Variants in THSD7A observed in about 807,000 individuals in gnomAD.
THSD7A encodes thrombospondin type-1 domain-containing protein 7A.
In THSD7A, 96 loss-of-function variants were observed where a neutral mutation model predicts 231.3. The observed-to-expected ratio is 0.41, with a 90% CI of 0.35 to 0.49. The LOEUF (loss-of-function observed/expected upper bound fraction) is 0.49. Ranked by LOEUF, THSD7A falls within the 20% of genes least tolerant of loss-of-function variation. The pLI is 0.05. For synonymous variants in THSD7A, 940 were observed against 743.3 expected (o/e 1.26, Z -4.30); for missense variants, 2,290 against 2,070.2 (o/e 1.11, Z -2.06).
chr7:11,828,018 A>G (rs1195452446), intron 1 of THSD7A, among the ~76,000 whole-genome samples: 2 of 152,238 alleles, frequency 1.3e-5, no homozygotes, highest in Non-Finnish European at 2.9e-5. Flanking sequence ...ACTCTTCACT[A>G]TAACTTCTAT....
intron 1 of THSD7A, among the ~76,000 whole-genome samples, chr7:11,717,878 A>G (rs956522439): frequency 2.0e-5 from 3 of 151,632 alleles, no homozygotes; most frequent in African/African-American, 4.8e-5. Context: ...TATGGTTTCT[A>G]TGATATTTTT....
At chr7:11,419,662 T>C (rs1334837314) in intron 16 of THSD7A, among the ~76,000 whole-genome samples, 5 of 152,130 alleles carry the variant, frequency 3.3e-5, no homozygotes, top group African/African-American at 1.2e-4. Context: ...AACTGGGTAA[T>C]GGGCAGAGGT....
intron 4 of THSD7A, among the ~76,000 whole-genome samples, chr7:11,546,202 G>GCGCACGCGCGCACACACACA: frequency 7.7e-6 from 1 of 129,374 alleles, no homozygotes; most frequent in South Asian, 2.3e-4. Flanking sequence ...GTGGGCGCGC[G>GCGCACGCGCGCACACACACA]CTCACACACA....
At chr7:11,473,605 T>A (rs1314364727) in intron 8 of THSD7A, among the ~76,000 whole-genome samples, 1 of 152,126 alleles carries the variant, frequency 6.6e-6, no homozygotes, top group Non-Finnish European at 1.5e-5. Context: ...TTAGAGTAGA[T>A]TTATTAATTT....
At chr7:11,478,795 A>G (rs1194129244) in intron 7 of THSD7A, among the ~76,000 whole-genome samples, 1 of 152,144 alleles carries the variant, frequency 6.6e-6, no homozygotes, top group Non-Finnish European at 1.5e-5. Flanking sequence ...ACATACATAT[A>G]TACACACTGA....
At chr7:11,745,672 G>GT (rs1782275722) in intron 1 of THSD7A, among the ~76,000 whole-genome samples, 1 of 152,028 alleles carries the variant, frequency 6.6e-6, no homozygotes, top group South Asian at 2.1e-4. Context: ...TGGCCAGCCA[G>GT]TTTTCCCAGC....
At chr7:11,567,430 G>C (rs1031233318) in intron 4 of THSD7A, among the ~76,000 whole-genome samples, 1 of 152,170 alleles carries the variant, frequency 6.6e-6, no homozygotes, top group African/African-American at 2.4e-5. Context: ...CATATATGGA[G>C]ATTAGGGGGA....
intron 2 of THSD7A, among the ~76,000 whole-genome samples, chr7:11,621,993 A>G (rs1211169147): frequency 1.3e-5 from 2 of 152,132 alleles, no homozygotes; most frequent in Non-Finnish European, 2.9e-5. Flanking sequence ...ATTAAAGATA[A>G]CGTCATATTA....
At chr7:11,651,486 A>ACTAC (rs1554260046) in intron 1 of THSD7A, among the ~76,000 whole-genome samples, 2 of 149,666 alleles carry the variant, frequency 1.3e-5, no homozygotes, top group African/African-American at 4.9e-5. Flanking sequence ...CTATCTATCA[A>ACTAC]CTATCTATCT....
At chr7:11,821,341 C>A (rs886618211) in intron 1 of THSD7A, 7 of 692,546 alleles carry the variant, frequency 1.0e-5, no homozygotes, top group Admixed American at 1.9e-5. Flanking sequence ...TCATTTGGAG[C>A]TAAGAGGACT....
chr7:11,808,928 A>G (rs1188002231), intron 1 of THSD7A, among the ~76,000 whole-genome samples: 2 of 152,160 alleles, frequency 1.3e-5, no homozygotes, highest in African/African-American at 4.8e-5. Context: ...AAATACTTAA[A>G]CCATACATAT....
chr7:11,503,364 G>A (rs1164946812), intron 6 of THSD7A, among the ~76,000 whole-genome samples: 3 of 152,104 alleles, frequency 2.0e-5, no homozygotes, highest in African/African-American at 7.2e-5. Context: ...AACCCTGGAA[G>A]ACAACCTAGG....
At chr7:11,423,055 A>C (rs940037543) in intron 16 of THSD7A, among the ~76,000 whole-genome samples, 2 of 152,202 alleles carry the variant, frequency 1.3e-5, no homozygotes, top group African/African-American at 2.4e-5. Flanking sequence ...AGTGGAAAAC[A>C]GAATCTCTTT....
rs140116393 is a variant in THSD7A, at chr7:11,711,073, T to A, written c.191-74112A>T. 7.9e-4 allele frequency among the ~76,000 whole-genome samples: 119 copies of A among 151,100 alleles called. 1 individual carries two copies. The East Asian group carries it at 0.02, about 26-fold the overall frequency. On this transcript the variant is annotated intron_variant, in intron 1 of 27. Coordinates refer to ENST00000423059, the MANE Select transcript of THSD7A (RefSeq NM_015204.3). ...GTCCTTTGTAGATATAGCTTAGGGATATTCCTGATAGTGTCTTCTTTTATT... is the reference window on the plus strand; with the variant it reads ...GTCCTTTGTAGATATAGCTTAGGGAAATTCCTGATAGTGTCTTCTTTTATT...
intron 6 of THSD7A, among the ~76,000 whole-genome samples, chr7:11,515,547 C>G (rs1401482257): frequency 6.6e-6 from 1 of 152,196 alleles, no homozygotes; most frequent in African/African-American, 2.4e-5. Context: ...TTTAACTCAT[C>G]ATCTACTGAT....
intron 11 of THSD7A, among the ~76,000 whole-genome samples, chr7:11,455,667 T>C (rs1386987497): frequency 1.3e-5 from 2 of 152,076 alleles, no homozygotes; most frequent in Non-Finnish European, 2.9e-5. Flanking sequence ...TTTTGACATA[T>C]ATAAAATATA....
chr7:11,799,659 G>T (rs1784224094), intron 1 of THSD7A, among the ~76,000 whole-genome samples: 1 of 152,064 alleles, frequency 6.6e-6, no homozygotes, highest in Admixed American at 6.6e-5. Flanking sequence ...ATTGTTTATT[G>T]ACAGCAAAAG....
chr7:11,635,571 C>T (rs1272734314), intron 2 of THSD7A, among the ~76,000 whole-genome samples: 1 of 152,160 alleles, frequency 6.6e-6, no homozygotes, highest in East Asian at 1.9e-4. Flanking sequence ...TGATTCAATA[C>T]CCTCTACTTA....
At chr7:11,663,248 C>T (rs575059468) in intron 1 of THSD7A, among the ~76,000 whole-genome samples, 9 of 151,278 alleles carry the variant, frequency 5.9e-5, no homozygotes, top group African/African-American at 2.2e-4. Context: ...AAATCTTATG[C>T]CACATAAGTT....
Sources: allele counts gnomAD v4.1 joint callset (sites outside exome capture counted in the v4.1 genomes callset), GRCh38; gene constraint gnomAD v4.1.1; transcripts MANE v1.5; gene names NCBI Gene and HGNC (gene_info 2026-07-23, HGNC 2026-07-21).